FRMD3: variants seen among roughly 807,000 people sequenced by gnomAD.
FRMD3 encodes the protein FERM domain containing 3.
In FRMD3, 33 loss-of-function variants were observed where a neutral mutation model predicts 70.2. That is an observed-to-expected ratio of 0.47 (90% CI 0.36 to 0.63). FRMD3 has a LOEUF of 0.63. Ranked by LOEUF, FRMD3 falls within the 20% of genes least tolerant of loss-of-function variation. FRMD3 has a pLI of 0.00. For missense variants in FRMD3, 632 were observed against 711.4 expected (o/e 0.89, Z 1.27); for synonymous variants, 279 against 255.9 (o/e 1.09, Z -0.86).
At chr9:83,479,728 A>AT (rs1828510866) in intron 1 of FRMD3, among the ~76,000 whole-genome samples, 1 of 54,134 alleles carries the variant, frequency 1.8e-5, no homozygotes, top group Admixed American at 1.8e-4. Flanking sequence ...AAGAAAAGAA[A>AT]GGGAAAGAAA....
intron 1 of FRMD3, among the ~76,000 whole-genome samples, chr9:83,500,789 G>T (rs1829051489): frequency 6.6e-6 from 1 of 152,138 alleles, no homozygotes; most frequent in East Asian, 1.9e-4. Flanking sequence ...AGCAAAATAT[G>T]AGTTTGGAGG....
chr9:83,342,789 T>A (rs1823816808), intron 5 of FRMD3, among the ~76,000 whole-genome samples: 1 of 152,200 alleles, frequency 6.6e-6, no homozygotes, highest in Non-Finnish European at 1.5e-5. Flanking sequence ...AACACCTATC[T>A]TCCTAGATGC....
At chr9:83,488,972 T>TTGTGTGTGTGTG (rs4014025) in intron 1 of FRMD3, among the ~76,000 whole-genome samples, 3,095 of 135,516 alleles carry the variant, frequency 0.023, 62 homozygotes, top group Middle Eastern at 0.054. Flanking sequence ...CCCTATACCT[T>TTGTGTGTGTGTG]TGTGTGTGTG....
intron 1 of FRMD3, among the ~76,000 whole-genome samples, chr9:83,495,460 G>A (rs906169505): frequency 1.3e-5 from 2 of 152,322 alleles, no homozygotes; most frequent in Non-Finnish European, 2.9e-5. Flanking sequence ...ATAATTGGAG[G>A]TAACTGAGGG....
chr9:83,300,027 C>T (rs893816129), intron 10 of FRMD3, among the ~76,000 whole-genome samples: 9 of 152,214 alleles, frequency 5.9e-5, no homozygotes, highest in Non-Finnish European at 1.2e-4. Flanking sequence ...AGTTCAGCAT[C>T]GTTTAAAATA....
At chr9:83,422,125 T>C (rs942960323) in intron 1 of FRMD3, among the ~76,000 whole-genome samples, 4 of 152,166 alleles carry the variant, frequency 2.6e-5, no homozygotes, top group Non-Finnish European at 5.9e-5. Context: ...CTCGGGAGGC[T>C]GAGGCAGGAG....
At chr9:83,555,122 C>T in the FRMD3 span, among the ~76,000 whole-genome samples, 1 of 152,212 alleles carries the variant, frequency 6.6e-6, no homozygotes, top group African/African-American at 2.4e-5. Flanking sequence ...CTTAAAAAAA[C>T]AATCTGGCCA....
intron 1 of FRMD3, among the ~76,000 whole-genome samples, chr9:83,482,947 G>A (rs568846843): frequency 3.3e-4 from 50 of 152,342 alleles, no homozygotes; most frequent in African/African-American, 1.2e-3. Flanking sequence ...ACCAGGAGCT[G>A]TTGCAGGGGC....
chr9:83,301,880 T>A (rs1834942374), intron 10 of FRMD3, among the ~76,000 whole-genome samples: 2 of 152,252 alleles, frequency 1.3e-5, no homozygotes, highest in Admixed American at 1.3e-4. Context: ...GAGAAAAGAC[T>A]GTGCGTCTTT....
At position 83,445,825 on chromosome 9, in the gene FRMD3, C is replaced by G. The variant is rs115835542; in HGVS notation, c.148-56117G>C. On this transcript the variant is annotated intron_variant, in intron 1 of 13. Coordinates refer to ENST00000304195, the MANE Select transcript of FRMD3 (RefSeq NM_174938.6). ...CTTGATATAAGAAAAGGGGTGAGAA[C>G]AGAATTCACTCTACCTACTTCACAA... 4.1e-3 allele frequency among the ~76,000 whole-genome samples: 630 copies of G among 152,278 alleles called. 10 individuals are homozygous for G. Among genetic ancestry groups the G allele is most frequent in the African/African-American group, 0.014 (568 of 41,540 alleles).
At chr9:83,283,327 G>A (rs879478764) in intron 13 of FRMD3, among the ~76,000 whole-genome samples, 3 of 151,798 alleles carry the variant, frequency 2.0e-5, no homozygotes, top group Non-Finnish European at 2.9e-5. Flanking sequence ...TCAGGAGATC[G>A]AGACCATCCT....
chr9:83,247,242 A>G lies in FRMD3; in HGVS notation c.*676T>C. On this transcript the variant is annotated 3_prime_UTR_variant, in exon 14 of 14. Coordinates refer to ENST00000304195, the MANE Select transcript of FRMD3 (RefSeq NM_174938.6). ...TCTTTCTACCCATTTTCTATCTCCT[A>G]TGCAGATCATAACAAATTATGGTAT... The G allele has an allele frequency of 3.0e-6, 3 of 985,344 alleles. No homozygotes were observed. Among genetic ancestry groups the G allele is most frequent in the Middle Eastern group, 5.2e-4 (1 of 1,914 alleles). The allele number at this position is 985,344 out of a possible 1,614,324, so 61.0% of individuals were successfully genotyped here.
the FRMD3 span, among the ~76,000 whole-genome samples, chr9:83,567,180 C>G: frequency 6.6e-6 from 1 of 152,248 alleles, no homozygotes; most frequent in Non-Finnish European, 1.5e-5. Flanking sequence ...CACGTGGAAG[C>G]TGCCAAGGCT....
chr9:83,253,007 A>C (rs6559716), intron 13 of FRMD3, among the ~76,000 whole-genome samples: 66,426 of 152,002 alleles, frequency 0.44, 15,265 homozygotes, highest in African/African-American at 0.57. Context: ...ACCTGAACTC[A>C]GCTCCAGATC....
intron 1 of FRMD3, among the ~76,000 whole-genome samples, chr9:83,524,056 A>G (rs936847652): frequency 2.6e-5 from 4 of 152,356 alleles, no homozygotes; most frequent in Admixed American, 2.0e-4. Context: ...AGAGCCTGAC[A>G]TGGCAGTGGC....
chr9:83,558,280 G>A, the FRMD3 span, among the ~76,000 whole-genome samples: 16 of 152,118 alleles, frequency 1.1e-4, no homozygotes, highest in Non-Finnish European at 2.1e-4. Flanking sequence ...GTGTGTGTGC[G>A]CGCGCGCACG....
intron 12 of FRMD3, among the ~76,000 whole-genome samples, chr9:83,297,140 C>G (rs1834705039): frequency 1.3e-5 from 2 of 152,180 alleles, no homozygotes; most frequent in South Asian, 4.1e-4. Context: ...ACTCAAAAAG[C>G]CTTATTTTTT....
chr9:83,495,340 G>T (rs553136013), intron 1 of FRMD3, among the ~76,000 whole-genome samples: 30 of 152,316 alleles, frequency 2.0e-4, no homozygotes, highest in Admixed American at 1.1e-3. Context: ...ACTGACCACC[G>T]CATTGAAGAA....
At chr9:83,306,993 A>C (rs1008716262) in intron 10 of FRMD3, among the ~76,000 whole-genome samples, 1 of 152,228 alleles carries the variant, frequency 6.6e-6, no homozygotes, top group Non-Finnish European at 1.5e-5. Flanking sequence ...ACCTAAATAC[A>C]AATCATGAAT....
Sources: gnomAD v4.1 joint callset for allele counts (sites outside exome capture counted in the v4.1 genomes callset) on GRCh38, gnomAD v4.1.1 for gene constraint, MANE v1.5 for transcripts, NCBI Gene and HGNC (gene_info 2026-07-23, HGNC 2026-07-21) for gene names.